Variants in THSD4 observed in about 807,000 individuals in gnomAD.
THSD4 encodes thrombospondin type-1 domain-containing protein 4.
THSD4 carries 69 observed loss-of-function variants against 119.0 expected under a neutral mutation model. The ratio of observed to expected loss-of-function variants is 0.58; its 90% CI spans 0.48 to 0.71. The LOEUF (loss-of-function observed/expected upper bound fraction) is 0.71. THSD4 is among the 30% of genes least tolerant of loss of function. The probability of loss-of-function intolerance (pLI) is 0.00; values close to 1 mark genes in which losing one functional copy is unlikely to be tolerated. For missense variants in THSD4, 1,393 were observed against 1,391.1 expected, an observed-to-expected ratio of 1.00 and a Z score of -0.02; for synonymous variants, 524 against 540.4, an observed-to-expected ratio of 0.97 and a Z score of 0.42.
At chr15:71,411,919 C>A in intron 7 of THSD4, 96 bp downstream of exon 7, 1 of 1,528,040 alleles carries the variant, frequency 6.5e-7, no homozygotes, top group African/African-American at 1.4e-5. Context: ...GCTAGCTCCC[C>A]CCAGCCCACG....
At chr15:71,682,006 T>A (rs1286918359) in intron 8 of THSD4, among the ~76,000 whole-genome samples, 1 of 152,226 alleles carries the variant, frequency 6.6e-6, no homozygotes, top group Admixed American at 6.5e-5. Flanking sequence ...GTGAGGGTCA[T>A]GGGCACGGTC....
At chr15:71,641,760 T>A (rs1204627143) in intron 7 of THSD4, among the ~76,000 whole-genome samples, 1 of 152,174 alleles carries the variant, frequency 6.6e-6, no homozygotes, top group African/African-American at 2.4e-5. Flanking sequence ...AAAGGGATAT[T>A]TTTAAGCCAC....
chr15:71,112,470 G>C (rs563904466), upstream of THSD4, among the ~76,000 whole-genome samples: 1 of 152,216 alleles, frequency 6.6e-6, no homozygotes, highest in South Asian at 2.1e-4. Context: ...ATAATTACAG[G>C]GCAAAAGGTT....
At chr15:71,330,701 C>T (rs983138758) in intron 6 of THSD4, among the ~76,000 whole-genome samples, 2 of 152,178 alleles carry the variant, frequency 1.3e-5, no homozygotes, top group African/African-American at 2.4e-5. Flanking sequence ...TTCCAGGACC[C>T]AGGTGAAGAG....
intron 8 of THSD4, among the ~76,000 whole-genome samples, chr15:71,672,956 T>C: frequency 6.6e-6 from 1 of 152,192 alleles, no homozygotes; most frequent in South Asian, 2.1e-4. Flanking sequence ...TCTCTTTTTT[T>C]GTTGTGTCTC....
At chr15:71,608,241 T>TAAAC (rs754808213) in intron 7 of THSD4, among the ~76,000 whole-genome samples, 1 of 80,410 alleles carries the variant, frequency 1.2e-5, no homozygotes, top group Non-Finnish European at 2.8e-5. Context: ...AAAAAAAATA[T>TAAAC]ATATATATAC....
intron 6 of THSD4, among the ~76,000 whole-genome samples, chr15:71,385,704 T>G (rs2046286812): frequency 6.6e-6 from 1 of 152,188 alleles, no homozygotes; most frequent in African/African-American, 2.4e-5. Context: ...TAAATTAGAT[T>G]TATGGTTTGT....
In THSD4 at chr15:71,404,879, C is replaced by A. The variant is rs562495435; in HGVS notation, c.1016-6808C>A. Reference sequence around the variant, plus strand: ...TTCTTTCTTTTCTTTCCTTTCTTTTCTTTCTTTCTTTTCTTTGCTTTTCTT... The same window carrying A: ...TTCTTTCTTTTCTTTCCTTTCTTTTATTTCTTTCTTTTCTTTGCTTTTCTT... On this transcript the variant is annotated intron_variant, in intron 6 of 17. Transcript: ENST00000261862. Among the ~76,000 whole-genome samples the A allele has an allele frequency of 1.0e-3, 144 of 137,584 alleles. 5 individuals carry two copies. In the South Asian group the frequency reaches 0.033, roughly 32 times the overall value. 90.3% of individuals were successfully genotyped at this position (137,584 alleles called of 152,430 possible).
At chr15:71,583,151 A>G (rs1009654223) in intron 7 of THSD4, among the ~76,000 whole-genome samples, 3 of 152,146 alleles carry the variant, frequency 2.0e-5, no homozygotes, top group Non-Finnish European at 4.4e-5. Context: ...TAGTCTTAGT[A>G]GGTGGTATAT....
chr15:71,222,459 G>A (rs750119198), intron 4 of THSD4, among the ~76,000 whole-genome samples: 1 of 152,208 alleles, frequency 6.6e-6, no homozygotes, highest in Non-Finnish European at 1.5e-5. Flanking sequence ...CTTTAATTCA[G>A]ATTTTCAAGT....
rs558871686 is a variant in THSD4 at position 71,483,178 on chromosome 15, A to G, written c.1152+71355A>G. On this transcript the variant is annotated intron_variant, in intron 7 of 17. Transcript: ENST00000261862. ...CCAGGGACATAGAGAAACATGAAAG[A>G]GAGAAGATGCATAGGCCAAGTTGGG... Among the ~76,000 whole-genome samples the G allele has an allele frequency of 3.3e-5, 5 of 152,320 alleles. No homozygotes were observed. The South Asian group carries it at 1.0e-3, about 32-fold the overall frequency.
chr15:71,158,067 T>TTCA (rs1413104456), intron 3 of THSD4, among the ~76,000 whole-genome samples: 1 of 152,064 alleles, frequency 6.6e-6, no homozygotes, highest in Non-Finnish European at 1.5e-5. Context: ...CCTACTGTTG[T>TTCA]TCATGGTGGC....
At chr15:71,105,949 T>C (rs566470877) in intron 1 of THSD4, among the ~76,000 whole-genome samples, 299 of 152,262 alleles carry the variant, frequency 2.0e-3, no homozygotes, top group Admixed American at 2.4e-3. Flanking sequence ...TGATAGCTCC[T>C]CATCCAGATA....
At chr15:71,688,984 G>A (rs1053035521) in intron 8 of THSD4, among the ~76,000 whole-genome samples, 49 of 152,092 alleles carry the variant, frequency 3.2e-4, no homozygotes, top group African/African-American at 1.1e-3. Context: ...CGGCCCATGA[G>A]ATAAAGCTCA....
chr15:71,396,326 G>A (rs1028469716), intron 6 of THSD4, among the ~76,000 whole-genome samples: 3 of 151,954 alleles, frequency 2.0e-5, no homozygotes, highest in African/African-American at 4.8e-5. Flanking sequence ...ATACCTATAC[G>A]TATACATACC....
chr15:71,645,657 A>G (rs1031605029), intron 7 of THSD4, among the ~76,000 whole-genome samples: 1 of 152,188 alleles, frequency 6.6e-6, no homozygotes, highest in African/African-American at 2.4e-5. Context: ...AAAATAATTT[A>G]AAGTCCCAGG....
At chr15:71,462,498 A>G (rs1170610823) in intron 7 of THSD4, among the ~76,000 whole-genome samples, 2 of 152,210 alleles carry the variant, frequency 1.3e-5, no homozygotes, top group African/African-American at 4.8e-5. Context: ...TGAAACACTT[A>G]AGACATGAAA....
intron 6 of THSD4, 50 bp from the exon 7 acceptor site, chr15:71,411,637 A>G: frequency 6.5e-7 from 1 of 1,543,704 alleles, no homozygotes; most frequent in Non-Finnish European, 8.8e-7. Flanking sequence ...CAGAGATGAT[A>G]TTGCTTATAC....
At chr15:71,267,041 A>G (rs1312589246) in intron 6 of THSD4, among the ~76,000 whole-genome samples, 1 of 152,202 alleles carries the variant, frequency 6.6e-6, no homozygotes, top group Non-Finnish European at 1.5e-5. Flanking sequence ...AACACTCTTC[A>G]GGATATTATC....
Sources: gnomAD v4.1 joint callset for allele counts (sites outside exome capture counted in the v4.1 genomes callset) on GRCh38, gnomAD v4.1.1 for gene constraint, MANE v1.5 for transcripts, NCBI Gene and HGNC (gene_info 2026-07-23, HGNC 2026-07-21) for gene names.